Variants in PSG4 observed in about 807,000 individuals in gnomAD.
The protein encoded by PSG4 is pregnancy specific beta-1-glycoprotein 4, also known as pregnancy-specific beta-1-glycoprotein 4.
PSG4 carries 61 observed loss-of-function variants against 44.3 expected under a neutral mutation model. That is an observed-to-expected ratio of 1.38 (90% confidence interval 1.12 to 1.70). The LOEUF (loss-of-function observed/expected upper bound fraction) is 1.70. Among genes scored for constraint, PSG4 ranks in the 40% most tolerant of loss-of-function variants. The pLI is 0.00. For synonymous variants in PSG4, 248 were observed against 191.3 expected (o/e 1.30, Z -2.45); for missense variants, 677 against 511.7 (o/e 1.32, Z -3.12).
chr19:43,195,040 G>A lies in PSG4; in HGVS notation c.943C>T (p.Arg315Ter), dbSNP rs367853186. ...GGGTCACTGCGGATGCCACCATATC[G>A]GTCCCGTATTTCACATTGATAAGGT... is the stretch of plus-strand genomic sequence containing the variant. Reference protein sequence around the residue: ...TGPYQCEIRDRYGGIRSDPVT... With the variant: ...TGPYQCEIRD The change falls in exon 4 of 6, where the codon CGA (arginine) becomes TGA (stop). Residue 315 changes from arginine (R) to a stop codon, truncating the protein, a stop_gained. Coordinates refer to ENST00000405312, the MANE Select transcript of PSG4 (RefSeq NM_002780.5). LOFTEE classifies it high-confidence loss of function. The A allele has an allele frequency of 3.0e-5, 48 of 1,611,858 alleles. 1 individual carries two copies. Among genetic ancestry groups the A allele is most frequent in the African/African-American group, 2.1e-4 (16 of 74,532 alleles).
At position 43,204,151 on chromosome 19, in the gene PSG4, G is replaced by A; in HGVS notation, c.165C>T (p.Val55=). 1 of 1,587,390 alleles carries A rather than the reference G, an allele frequency of 6.3e-7. No individual in the cohort carries two copies. The highest frequency in any genetic ancestry group is 8.5e-7 in the Non-Finnish European group (1 of 1,171,716). The change falls in exon 2 of 6, where the codon GTC becomes GTT. Residue 55 remains valine (V), a synonymous_variant. Coordinates refer to ENST00000405312, the MANE Select transcript of PSG4 (RefSeq NM_002780.5). ...CAGCAAGATTCTGGGGCAAATTGTG[G>A]ACAAGTAGAAGAACATCCTTCCCCT... ...VSEGKDVLLL[V]HNLPQNLAGY...
chr19:43,193,188 T>C lies in PSG4; in HGVS notation c.*184A>G, dbSNP rs549687402. 135 of 750,982 alleles carry C rather than the reference T, an allele frequency of 1.8e-4. 3 individuals carry two copies. The highest frequency in any genetic ancestry group is 1.0e-3 in the Middle Eastern group (3 of 2,936). The allele number at this position is 750,982 out of a possible 1,614,324, so 46.5% of individuals were successfully genotyped here. A position where few individuals can be genotyped will look rare whatever the true frequency, so the allele number is the denominator to read the frequency against. Reference sequence around the variant, plus strand: ...TTGTTATCCTGGTTTACAGTTTGAGTAGCTGTTGTTATGGTGTCGAACATT... The same window carrying C: ...TTGTTATCCTGGTTTACAGTTTGAGCAGCTGTTGTTATGGTGTCGAACATT... On this transcript the variant is annotated 3_prime_UTR_variant, in exon 6 of 6. Coordinates refer to ENST00000405312, the MANE Select transcript of PSG4 (RefSeq NM_002780.5).
chr19:43,200,736 C>G lies in PSG4; in HGVS notation c.431-2461G>C, dbSNP rs778428798. Among the ~76,000 whole-genome samples the G allele has an allele frequency of 1.2e-4, 18 of 145,272 alleles. 5 individuals carry two copies. Among genetic ancestry groups the G allele is most frequent in the African/African-American group, 4.8e-4 (18 of 37,876 alleles). ...GACTACAGGCATCCGCCACCAAGCC[C>G]GGCTAATTTTTTGTATTTTTAGTAG... On this transcript the variant is annotated intron_variant, in intron 2 of 5. Coordinates refer to ENST00000405312, the MANE Select transcript of PSG4 (RefSeq NM_002780.5).
At chr19:43,194,860 G>A in intron 4 of PSG4, 135 bp downstream of exon 4, 1 of 1,519,466 alleles carries the variant, frequency 6.6e-7, no homozygotes, top group Non-Finnish European at 8.8e-7. Flanking sequence ...TCCCAGGGCA[G>A]GGAGTCATGG....
chr19:43,205,111 C>CTTTTTTTTTTTTTTT (rs59165427), intron 1 of PSG4, among the ~76,000 whole-genome samples: 12,211 of 89,574 alleles, frequency 0.14, 2,200 homozygotes, highest in East Asian at 0.51. Context: ...TTCCTTTTTT[C>CTTTTTTTTTTTTTTT]TTTTTTTTTT....
At position 43,194,373 on chromosome 19, in the gene PSG4, C is replaced by G. The variant is rs1310243477; in HGVS notation, c.1210G>C (p.Glu404Gln). Residue 404 changes from glutamate to glutamine, a missense_variant, in exon 5 of 6, where the codon GAA becomes CAA. By Grantham distance (29) the Glu-to-Gln change is conservative. Transcript: ENST00000405312. The part of the protein sequence containing the change: ...CSVRNSATGK[E>Q]SSKSITVKVS... ...TTGACTGTGATGGATTTGGAGCTTT[C>G]CTTGCCAGTGGCTGAGTTACGAACA... 6.2e-7 allele frequency: 1 copy of G among 1,612,442 alleles called. No homozygotes were observed. Among genetic ancestry groups the G allele is most frequent in the Non-Finnish European group, 8.5e-7 (1 of 1,179,126 alleles).
chr19:43,204,008 G>A lies in PSG4; in HGVS notation c.308C>T (p.Ser103Phe). ...ATTCTGGATCAGCAGGGATGCATTG[G>A]AATATACTCTTTCTCTTCCACTGTA... Reference protein sequence around the residue: ...PAYSGRERVYSNASLLIQNVT... With the variant: ...PAYSGRERVYFNASLLIQNVT... Residue 103 changes from serine to phenylalanine, a missense_variant, in exon 2 of 6, where the codon TCC becomes TTC. Physicochemically the swap from Ser to Phe is radical, Grantham distance 155 (BLOSUM62 -2). Transcript: ENST00000405312. The A allele has an allele frequency of 1.3e-6, 2 of 1,587,730 alleles. No homozygotes were observed. Among genetic ancestry groups the A allele is most frequent in the Non-Finnish European group, 1.7e-6 (2 of 1,171,668 alleles).
chr19:43,194,813 C>G, intron 4 of PSG4, 182 bp downstream of exon 4: 1 of 1,438,548 alleles, frequency 7.0e-7, no homozygotes, highest in South Asian at 1.4e-5. Flanking sequence ...GTCCCCTCCC[C>G]TTATATTCTT....
chr19:43,198,567 T>C (rs926261451), intron 2 of PSG4: 3 of 432,678 alleles, frequency 6.9e-6, no homozygotes, highest in Non-Finnish European at 1.1e-5. Flanking sequence ...CTCTCTGAGT[T>C]CCTCCGTCTC....
chr19:43,202,145 G>C (rs1177594043), intron 2 of PSG4, among the ~76,000 whole-genome samples: 1 of 146,154 alleles, frequency 6.8e-6, no homozygotes, highest in African/African-American at 2.6e-5. Flanking sequence ...AAGGCCTAGG[G>C]GTGGGGGAAG....
chr19:43,193,719 C>T (rs1967105691), intron 5 of PSG4: 1 of 540,372 alleles, frequency 1.9e-6, no homozygotes, highest in South Asian at 2.4e-5. Context: ...TGACTTCAGA[C>T]TTTGCCTGCA....
intron 3 of PSG4, among the ~76,000 whole-genome samples, chr19:43,195,884 C>T (rs1967224911): frequency 1.3e-5 from 2 of 150,254 alleles, no homozygotes; most frequent in African/African-American, 4.9e-5. Flanking sequence ...GCAGGTGTTT[C>T]ATGATGACTT....
chr19:43,202,920 C>T (rs1422924522), intron 2 of PSG4, among the ~76,000 whole-genome samples: 1 of 144,772 alleles, frequency 6.9e-6, no homozygotes, highest in Admixed American at 6.9e-5. Context: ...TGCAGACAGA[C>T]CTCATGTGAC....
rs758741241 is a variant in PSG4, at chr19:43,205,571, A to C, written c.-35T>G. ...TGCTTGTGTGTTCTCCTCTGTGGAG[A>C]TAAGCCTAGGATCCAGAAGCTTCCT... On this transcript the variant is annotated 5_prime_UTR_variant, in exon 1 of 6. Transcript: ENST00000405312. 2.4e-4 allele frequency: 373 copies of C among 1,524,898 alleles called. 38 individuals carry two copies. Among genetic ancestry groups the C allele is most frequent in the Middle Eastern group, 1.2e-3 (7 of 5,784 alleles). 94.5% of individuals were successfully genotyped at this position (1,524,898 alleles called of 1,614,324 possible).
intron 5 of PSG4, 144 bp from the exon 6 acceptor site, chr19:43,193,532 T>A: frequency 1.5e-6 from 1 of 663,832 alleles, no homozygotes; most frequent in Non-Finnish European, 2.7e-6. Context: ...AGAATAAGTT[T>A]GTTTGCAAAA....
In PSG4 at chr19:43,194,587, T is replaced by G. The variant is rs768031246; in HGVS notation, c.996A>C (p.Pro332=). The G allele has an allele frequency of 6.2e-7, 1 of 1,609,870 alleles. No homozygotes were observed. The part of the protein sequence containing the change: ...DPVTLNVLYG[P]DLPSIYPSFT... ...ATGAAGGGTAAATGCTGGGGAGGTC[T>G]GGACCATCTGGCGCAAAGAGAATAA... Residue 332 remains proline, a synonymous_variant, in exon 5 of 6, where the codon CCA becomes CCC. Coordinates refer to ENST00000405312, the MANE Select transcript of PSG4 (RefSeq NM_002780.5).
intron 1 of PSG4, 132 bp from the exon 2 acceptor site, chr19:43,204,383 C>A: frequency 8.2e-7 from 1 of 1,223,438 alleles, no homozygotes; most frequent in Non-Finnish European, 1.1e-6. Flanking sequence ...CATACACACA[C>A]TAAAGGGGCG....
At chr19:43,196,139 G>T (rs1225146011) in intron 3 of PSG4, among the ~76,000 whole-genome samples, 2 of 151,720 alleles carry the variant, frequency 1.3e-5, no homozygotes, top group East Asian at 3.9e-4. Context: ...CTGGAAATCT[G>T]GTCCTCATGG....
intron 2 of PSG4, among the ~76,000 whole-genome samples, chr19:43,201,022 C>A (rs1267292757): frequency 6.9e-6 from 1 of 145,678 alleles, no homozygotes; most frequent in African/African-American, 2.6e-5. Context: ...GGATGGAGTC[C>A]CAAGTGATAC....
Sources: allele counts gnomAD v4.1 joint callset (sites outside exome capture counted in the v4.1 genomes callset), GRCh38; gene constraint gnomAD v4.1.1; transcripts MANE v1.5; gene names NCBI Gene and HGNC (gene_info 2026-07-23, HGNC 2026-07-21).